Variants in SLC4A5 observed in about 807,000 individuals in gnomAD.
SLC4A5 encodes the protein electrogenic sodium bicarbonate cotransporter 4.
SLC4A5 carries 96 observed loss-of-function variants against 120.4 expected under a neutral mutation model. The observed-to-expected ratio is 0.80, with a 90% CI of 0.68 to 0.94. SLC4A5 has a LOEUF of 0.94. SLC4A5 is among the 40% of genes least tolerant of loss of function. The pLI, the probability that SLC4A5 is intolerant of heterozygous loss-of-function variation, is 0.00. For missense variants in SLC4A5, 1,259 were observed against 1,459.5 expected (o/e 0.86, Z 2.24); for synonymous variants, 550 against 571.1 (o/e 0.96, Z 0.53).
intron 7 of SLC4A5, among the ~76,000 whole-genome samples, chr2:74,301,708 C>A (rs188497854): frequency 1.1e-4 from 16 of 152,318 alleles, no homozygotes; most frequent in Admixed American, 9.2e-4. Flanking sequence ...AGGTTTATAT[C>A]TGTATCACAC....
intron 27 of SLC4A5, among the ~76,000 whole-genome samples, chr2:74,226,754 G>A (rs1271820798): frequency 6.6e-6 from 1 of 151,980 alleles, no homozygotes; most frequent in African/African-American, 2.4e-5. Context: ...TCCTTCCTCC[G>A]CCTCCTCTCT....
At chr2:74,308,038 G>T in intron 6 of SLC4A5, 1 of 519,120 alleles carries the variant, frequency 1.9e-6, no homozygotes, top group South Asian at 1.5e-5. Flanking sequence ...GAGAGGAAAG[G>T]ACTCAGGCTT....
At chr2:74,292,271 G>C (rs536282627) in intron 7 of SLC4A5, among the ~76,000 whole-genome samples, 20 of 152,218 alleles carry the variant, frequency 1.3e-4, no homozygotes, top group African/African-American at 3.9e-4. Flanking sequence ...CCAGTTACCA[G>C]CCTGTTCCCT....
rs188302447 is a variant in SLC4A5, at chr2:74,227,720, G to T, written c.2916+90C>A. ...TGAATTAGGACAATTGGGGACAATT[G>T]GGACAACTGAATTGGGGGTCTTGGT... On this transcript the variant is annotated intron_variant, in intron 26 of 30. Coordinates refer to ENST00000394019, the Ensembl canonical transcript of SLC4A5. The T allele has an allele frequency of 1.4e-5, 18 of 1,284,240 alleles. No individual in the cohort carries two copies. In the East Asian group the frequency reaches 3.8e-4, roughly 27 times the overall value. The allele number at this position is 1,284,240 out of a possible 1,614,324, so 79.6% of individuals were successfully genotyped here.
At chr2:74,242,281 T>C (rs919016398) in intron 19 of SLC4A5, among the ~76,000 whole-genome samples, 1 of 152,226 alleles carries the variant, frequency 6.6e-6, no homozygotes, top group African/African-American at 2.4e-5. Flanking sequence ...AGCACCTGCC[T>C]GACCACGAAC....
At chr2:74,336,361 G>A (rs7608305) in intron 3 of SLC4A5, among the ~76,000 whole-genome samples, 1,975 of 152,234 alleles carry the variant, frequency 0.013, 43 homozygotes, top group African/African-American at 0.046. Context: ...AAGCCACCAC[G>A]CCTGGCTGAG....
At chr2:74,261,309 C>T (rs1671127678) in intron 11 of SLC4A5, among the ~76,000 whole-genome samples, 1 of 152,190 alleles carries the variant, frequency 6.6e-6, no homozygotes, top group Admixed American at 6.5e-5. Flanking sequence ...CTGGGCATCC[C>T]TATGTGGCAT....
At chr2:74,230,323 G>C (rs1001091271) in intron 25 of SLC4A5, among the ~76,000 whole-genome samples, 1 of 152,130 alleles carries the variant, frequency 6.6e-6, no homozygotes, top group Admixed American at 6.5e-5. Flanking sequence ...TTGCTTTCTG[G>C]AGTCTCTCCA....
chr2:74,218,149 G>C (rs1694502053), exon 31 of SLC4A5: 2 of 152,176 alleles, frequency 1.3e-5, no homozygotes, highest in Non-Finnish European at 2.9e-5. Flanking sequence ...ATGTGACAGG[G>C]AGAAAAGATA....
intron 25 of SLC4A5, among the ~76,000 whole-genome samples, chr2:74,229,103 G>GATTTTTTTTTTT (rs1573004987): frequency 3.9e-4 from 1 of 2,586 alleles, no homozygotes; most frequent in East Asian, 0.017. Flanking sequence ...TTAGATTTGA[G>GATTTTTTTTTTT]CTTTTTTTTT....
chr2:74,249,602 A>G (rs1274689036), intron 17 of SLC4A5, among the ~76,000 whole-genome samples: 1 of 152,192 alleles, frequency 6.6e-6, no homozygotes, highest in Non-Finnish European at 1.5e-5. Context: ...GATAATGCTT[A>G]GTTTCCGGTG....
rs142016909 is a variant in SLC4A5 at position 74,274,211 on chromosome 2, G to A, written c.402-8947C>T. On this transcript the variant is annotated intron_variant, in intron 8 of 30. Transcript: ENST00000394019. ...AGCCTGCCCAAGGTGGCTGAGGCAG[G>A]AGAATCACTTGAGCCCAGCAGGCGG... Among the ~76,000 whole-genome samples, 14 of 152,332 alleles carry A rather than the reference G, an allele frequency of 9.2e-5. No individual in the cohort carries two copies. The East Asian group carries it at 2.7e-3, about 29-fold the overall frequency.
At chr2:74,310,017 T>C (rs1558908150) in intron 6 of SLC4A5, among the ~76,000 whole-genome samples, 2 of 152,220 alleles carry the variant, frequency 1.3e-5, no homozygotes, top group Non-Finnish European at 2.9e-5. Context: ...TTTATAGTTT[T>C]TCTCATGTAG....
At chr2:74,340,721 T>A (rs926315317) in intron 2 of SLC4A5, among the ~76,000 whole-genome samples, 1 of 152,144 alleles carries the variant, frequency 6.6e-6, no homozygotes, top group African/African-American at 2.4e-5. Context: ...TCTTCTCACC[T>A]CTTCTCTTCC....
intron 22 of SLC4A5, among the ~76,000 whole-genome samples, chr2:74,234,075 A>G (rs896489889): frequency 6.7e-6 from 1 of 149,718 alleles, no homozygotes; most frequent in Non-Finnish European, 1.5e-5. Context: ...AAACAAACAA[A>G]CAACAACAAA....
intron 20 of SLC4A5, 103 bp downstream of exon 20, chr2:74,241,891 G>C (rs1670459937): frequency 2.9e-6 from 3 of 1,025,778 alleles, no homozygotes; most frequent in Non-Finnish European, 4.4e-6. Flanking sequence ...GTTGACCTCT[G>C]CAAGTCTGGG....
exon 19 of SLC4A5, chr2:74,247,279 G>A (rs768337360): frequency 3.7e-6 from 6 of 1,614,008 alleles, no homozygotes; most frequent in Non-Finnish European, 4.2e-6. Flanking sequence ...ATCCAGAGGC[G>A]GAACTCCATG....
chr2:74,298,533 C>T (rs1443726106), intron 7 of SLC4A5, among the ~76,000 whole-genome samples: 1 of 152,116 alleles, frequency 6.6e-6, no homozygotes, highest in African/African-American at 2.4e-5. Flanking sequence ...TTGGATATGG[C>T]ACCAAAAGCA....
intron 7 of SLC4A5, among the ~76,000 whole-genome samples, chr2:74,302,957 G>A (rs1672518374): frequency 6.6e-6 from 1 of 152,196 alleles, no homozygotes; most frequent in South Asian, 2.1e-4. Context: ...GGGGGCAAGA[G>A]GTCTTCCCAG....
Sources: allele counts gnomAD v4.1 joint callset (sites outside exome capture counted in the v4.1 genomes callset), GRCh38; gene constraint gnomAD v4.1.1; transcripts MANE v1.5; gene names NCBI Gene and HGNC (gene_info 2026-07-23, HGNC 2026-07-21).